Variants in ZNF280D observed in about 807,000 individuals in gnomAD.
ZNF280D encodes suppressor of hairy wing homolog 4.
Under a neutral mutation model 94.7 loss-of-function variants are expected in ZNF280D, and 39 were observed. The ratio of observed to expected loss-of-function variants is 0.41; its 90% CI spans 0.32 to 0.54. The LOEUF is 0.54. Among genes scored for constraint, ZNF280D ranks in the 20% least tolerant of loss-of-function variants. ZNF280D has a pLI of 0.22. For missense variants in ZNF280D, 1,090 were observed against 1,149.3 expected (o/e 0.95, Z 0.75); for synonymous variants, 398 against 377.6 (o/e 1.05, Z -0.63).
chr15:56,632,332 C>T (rs1418278234), intron 21 of ZNF280D, among the ~76,000 whole-genome samples: 1 of 152,068 alleles, frequency 6.6e-6, no homozygotes, highest in African/African-American at 2.4e-5. Context: ...TCTGGAATCA[C>T]ATACTAAAAG....
At chr15:56,660,474 T>G (rs566463321) in intron 16 of ZNF280D, among the ~76,000 whole-genome samples, 7 of 152,236 alleles carry the variant, frequency 4.6e-5, no homozygotes. Context: ...ACCACCTGCT[T>G]GATTTCTCTG....
Position 56,704,177 on chromosome 15 carries a change from T to C in ZNF280D, c.119A>G (p.Asp40Gly), listed in dbSNP as rs1305618283. 6.2e-7 allele frequency: 1 copy of C among 1,613,804 alleles called. No individual in the cohort carries two copies. The highest frequency in any genetic ancestry group is 8.5e-7 in the Non-Finnish European group (1 of 1,179,952). Reference sequence around the variant, plus strand: ...GCCAACAAAGATTGGCTCATCATCATCGTCATCCTCAACTTCTTTTACTTT... The same window carrying C: ...GCCAACAAAGATTGGCTCATCATCACCGTCATCCTCAACTTCTTTTACTTT... ...QKKVKEVEDD[D>G]DDEPIFVGEI... Residue 40 changes from aspartate (D) to glycine (G), a missense_variant, in exon 4 of 22, where the codon GAT becomes GGT. By Grantham distance (94) the Asp-to-Gly change is moderately conservative. This residue lies in a region of ZNF280D where 386 missense variants were observed against 372.0 expected (regional missense o/e 1.04). Transcript: ENST00000267807.
At chr15:56,671,386 T>G (rs556994758) in intron 13 of ZNF280D, among the ~76,000 whole-genome samples, 18 of 152,182 alleles carry the variant, frequency 1.2e-4, no homozygotes, top group Non-Finnish European at 2.1e-4. Context: ...TTCAGTTTTC[T>G]GCCTATGGCC....
At chr15:56,660,835 G>A (rs2053890111) in intron 16 of ZNF280D, among the ~76,000 whole-genome samples, 1 of 151,882 alleles carries the variant, frequency 6.6e-6, no homozygotes, top group African/African-American at 2.4e-5. Context: ...TCATAATCTT[G>A]ATTCCACATA....
chr15:56,652,858 C>T (rs1408799156), intron 19 of ZNF280D: 2 of 984,170 alleles, frequency 2.0e-6, no homozygotes, highest in African/African-American at 3.5e-5. Context: ...TTAAAATCTA[C>T]AAATAGGCAG....
chr15:56,701,143 T>C (rs766561282), intron 5 of ZNF280D, 30 bp downstream of exon 5: 75 of 1,600,148 alleles, frequency 4.7e-5, no homozygotes, highest in Non-Finnish European at 5.9e-5. Flanking sequence ...TACTTCACTT[T>C]AAAATTAAAA....
At chr15:56,679,694 C>A (rs1423366124) in intron 10 of ZNF280D, among the ~76,000 whole-genome samples, 1 of 152,148 alleles carries the variant, frequency 6.6e-6, no homozygotes, top group Non-Finnish European at 1.5e-5. Context: ...CAACTGTTAA[C>A]AATTATTCAC....
chr15:56,722,122 C>T (rs552535644), intron 1 of ZNF280D, among the ~76,000 whole-genome samples: 39 of 152,254 alleles, frequency 2.6e-4, no homozygotes, highest in African/African-American at 9.4e-4. Flanking sequence ...GCTGGTGGAG[C>T]AGTCAAAACA....
chr15:56,696,203 T>C (rs912174400), intron 6 of ZNF280D, among the ~76,000 whole-genome samples: 2 of 152,174 alleles, frequency 1.3e-5, no homozygotes, highest in Middle Eastern at 3.2e-3. Context: ...TAATAAAACA[T>C]AATCTTACTT....
rs755761030 is a variant in ZNF280D at position 56,632,073 on chromosome 15, T to C, written c.2365A>G (p.Asn789Asp). The C allele has an allele frequency of 5.0e-6, 8 of 1,600,444 alleles. No homozygotes were observed. Among genetic ancestry groups the C allele is most frequent in the Non-Finnish European group, 6.8e-6 (8 of 1,174,166 alleles). The change falls in exon 22 of 22, where the codon AAT becomes GAT. Residue 789 changes from asparagine (N) to aspartate (D), a missense_variant. By Grantham distance (23) the Asn-to-Asp change is conservative. This residue lies in a region of ZNF280D where 577 missense variants were observed against 568.8 expected (regional missense o/e 1.01). Transcript: ENST00000267807. ...SSKEKNGCNANSFEGSSTTKS... is the reference protein window; with the variant it reads ...SSKEKNGCNADSFEGSSTTKS... ...GTTGTTGATGAGCCTTCAAATGAAT[T>C]TGCATTACATCCATTTTTTTCTTTT...
chr15:56,653,902 C>G (rs1426716597), intron 19 of ZNF280D: 1 of 1,257,552 alleles, frequency 8.0e-7, no homozygotes, highest in Non-Finnish European at 1.0e-6. Context: ...GAATCTAGTC[C>G]CATTTGAAAG....
chr15:56,635,441 T>G (rs2052310035), intron 20 of ZNF280D, 191 bp from the exon 21 acceptor site: 1 of 185,558 alleles, frequency 5.4e-6, no homozygotes. Context: ...AAAATGTTTT[T>G]AAACCTATAA....
chr15:56,705,694 T>C (rs1010503923), intron 3 of ZNF280D, among the ~76,000 whole-genome samples: 4 of 152,136 alleles, frequency 2.6e-5, no homozygotes, highest in African/African-American at 9.7e-5. Context: ...TTTACTTTCC[T>C]TCAAAATCTG....
intron 1 of ZNF280D, among the ~76,000 whole-genome samples, chr15:56,721,898 G>A (rs1263542305): frequency 3.3e-5 from 5 of 152,198 alleles, no homozygotes; most frequent in Non-Finnish European, 5.9e-5. Flanking sequence ...TTTGGGACAA[G>A]AGGCCTAGTA....
chr15:56,693,127 T>C lies in ZNF280D; in HGVS notation c.470A>G (p.Tyr157Cys), dbSNP rs756786580. The change falls in exon 7 of 22, where the codon TAC becomes TGC. Residue 157 changes from tyrosine (Y) to cysteine (C), a missense_variant. Around this residue, in one of 3 missense-constraint regions of ZNF280D, gnomAD observed 386 missense variants for 372.0 expected, o/e 1.04. Transcript: ENST00000267807. ...DLTQDTGLSH[Y>C]QGGPTLSMAG... The stretch of plus-strand genomic sequence containing the variant: ...CATAGAAAGTGTTGGTCCCCCTTGG[T>C]AATGTGATAATCCTGTATCCTGGGT... 3 of 1,606,314 alleles carry C rather than the reference T, an allele frequency of 1.9e-6. No individual in the cohort carries two copies. Among genetic ancestry groups the C allele is most frequent in the South Asian group, 2.2e-5 (2 of 89,218 alleles).
intron 20 of ZNF280D, among the ~76,000 whole-genome samples, chr15:56,639,367 A>G (rs914343403): frequency 6.6e-6 from 1 of 151,934 alleles, no homozygotes. Context: ...TAAAAAAAGG[A>G]GAACACAGAA....
rs2054681426 is a variant in ZNF280D at position 56,669,952 on chromosome 15, T to TATATATA, written c.1411-1002_1411-996dup. On this transcript the variant is annotated intron_variant, in intron 13 of 21. Coordinates refer to ENST00000267807, the MANE Select transcript of ZNF280D (RefSeq NM_017661.4). ...ATATATATATTATATATATATATTA[T>TATATATA]ATATATATATTATATATATATAATA... Among the ~76,000 whole-genome samples, 4 of 2,212 alleles carry TATATATA rather than the reference T, an allele frequency of 1.8e-3. 2 individuals are homozygous for TATATATA. The allele number at this position is 2,212 out of a possible 152,430, so 1.5% of individuals were successfully genotyped here.
intron 1 of ZNF280D, among the ~76,000 whole-genome samples, chr15:56,716,640 G>A (rs2058060449): frequency 6.6e-6 from 1 of 152,068 alleles, no homozygotes; most frequent in African/African-American, 2.4e-5. Flanking sequence ...AAAAACCACT[G>A]AGGGATTTTA....
intron 16 of ZNF280D, among the ~76,000 whole-genome samples, chr15:56,658,858 A>T (rs1276587762): frequency 6.6e-6 from 1 of 152,186 alleles, no homozygotes; most frequent in African/African-American, 2.4e-5. Flanking sequence ...ATATGAAGTT[A>T]TTAATAGTAA....
Sources: allele counts gnomAD v4.1 joint callset (sites outside exome capture counted in the v4.1 genomes callset), GRCh38; gene constraint gnomAD v4.1.1; regional missense constraint gnomAD v4.1.1; transcripts MANE v1.5; gene names NCBI Gene and HGNC (gene_info 2026-07-23, HGNC 2026-07-21).